The following SI variants were observed in gnomAD, a reference collection of about 807,000 sequenced individuals.
SI encodes sucrase-isomaltase, intestinal.
In SI, 235 loss-of-function variants were observed where a neutral mutation model predicts 253.3. The observed-to-expected ratio is 0.93, with a 90% CI of 0.83 to 1.03. The LOEUF (loss-of-function observed/expected upper bound fraction) is 1.03. Ranked by LOEUF, SI falls within the 50% of genes least tolerant of loss-of-function variation. The pLI is 0.00. For missense variants in SI, 2,442 were observed against 2,211.1 expected, an observed-to-expected ratio of 1.10 and a Z score of -2.09; for synonymous variants, 819 against 712.0, an observed-to-expected ratio of 1.15 and a Z score of -2.39.
chr3:165,081,871 G>C (rs567194812), upstream of SI, among the ~76,000 whole-genome samples: 11 of 151,998 alleles, frequency 7.2e-5, no homozygotes, highest in South Asian at 2.3e-3. Flanking sequence ...GATTTTAGAA[G>C]AAGAAGGAGA....
chr3:165,006,718 A>G, intron 37 of SI, 98 bp downstream of exon 37: 1 of 1,044,204 alleles, frequency 9.6e-7, no homozygotes, highest in Non-Finnish European at 1.5e-6. Flanking sequence ...AAGTAAAGAG[A>G]TACAAGAGAA....
At chr3:164,985,954 C>T (rs1472098508) in intron 45 of SI, among the ~76,000 whole-genome samples, 1 of 151,986 alleles carries the variant, frequency 6.6e-6, no homozygotes, top group African/African-American at 2.4e-5. Context: ...TTAGTATGGT[C>T]TTGAGGAACA....
At chr3:165,059,647 T>G (rs2108249531) in intron 10 of SI, among the ~76,000 whole-genome samples, 1 of 152,106 alleles carries the variant, frequency 6.6e-6, no homozygotes, top group Non-Finnish European at 1.5e-5. Flanking sequence ...AAAAACTAAA[T>G]ATGATTTTGT....
At chr3:164,980,166 T>C (rs6767247) in intron 47 of SI, among the ~76,000 whole-genome samples, 7,329 of 151,852 alleles carry the variant, frequency 0.048, 600 homozygotes, top group African/African-American at 0.17. Flanking sequence ...ACATACCAGG[T>C]CTTTTCATAA....
At chr3:165,015,052 C>T in intron 33 of SI, 71 bp downstream of exon 33, 1 of 1,167,336 alleles carries the variant, frequency 8.6e-7, no homozygotes. Context: ...TTAACTTTTA[C>T]TAATTAAATG....
Position 164,996,736 on chromosome 3 carries a change from A to G in SI, c.4575+2T>C, listed in dbSNP as rs754961413. 3.8e-5 allele frequency: 44 copies of G among 1,152,496 alleles called. No homozygotes were observed. Among genetic ancestry groups the G allele is most frequent in the South Asian group, 5.1e-5 (4 of 78,244 alleles). 71.4% of individuals were successfully genotyped at this position (1,152,496 alleles called of 1,614,324 possible). A position where few individuals can be genotyped will look rare whatever the true frequency, so the allele number is the denominator to read the frequency against. On this transcript the variant is annotated splice_donor_variant, in intron 39 of 47. Transcript: ENST00000264382. LOFTEE classifies it high-confidence loss of function. ...GAAGATAAAAGGAATAAAACTACTT[A>G]CATATGACATTCCAAACAGACTAAA...
chr3:165,051,144 A>G (rs367963487), intron 13 of SI, among the ~76,000 whole-genome samples: 9 of 152,092 alleles, frequency 5.9e-5, no homozygotes, highest in Non-Finnish European at 1.2e-4. Flanking sequence ...TTCCATAAAT[A>G]TTGAGTTCCT....
At chr3:165,012,913 G>C (rs1473244487) in intron 34 of SI, 67 bp downstream of exon 34, 6 of 980,170 alleles carry the variant, frequency 6.1e-6, no homozygotes, top group Admixed American at 1.7e-5. Flanking sequence ...TTTAGTTATT[G>C]ATTAAAATAA....
intron 1 of SI, 21 bp downstream of exon 1, chr3:165,078,412 A>G (rs1405521381): frequency 6.6e-6 from 1 of 152,016 alleles, no homozygotes; most frequent in Non-Finnish European, 1.5e-5. Context: ...ATAACAAAAA[A>G]CATATGAGCC....
At chr3:164,996,701 T>C in intron 39 of SI, 37 bp downstream of exon 39, 1 of 1,266,466 alleles carries the variant, frequency 7.9e-7, no homozygotes, top group Non-Finnish European at 1.1e-6. Flanking sequence ...TATGAATGTT[T>C]ATAATTTATG....
chr3:165,079,371 A>T (rs1233605932), upstream of SI, among the ~76,000 whole-genome samples: 1 of 151,676 alleles, frequency 6.6e-6, no homozygotes, highest in Non-Finnish European at 1.5e-5. Flanking sequence ...TCTGGATACT[A>T]TCTTTTCAAC....
In SI at chr3:165,009,337, C is replaced by A; in HGVS notation, c.4121G>T (p.Trp1374Leu). The change falls in exon 35 of 48, where the codon TGG becomes TTG. Residue 1374 changes from tryptophan to leucine, a missense_variant. By Grantham distance (61) the Trp-to-Leu change is moderately conservative. Transcript: ENST00000264382. ...DFFRTSTAEW[W>L]AREIVDFYNE... is the part of the protein sequence containing the mutation. ...GTAAAAGTCCACAATTTCTCTGGCC[C>A]ACCACTCTGCTGTGGAAGTCCTGAA... The A allele has an allele frequency of 1.2e-6, 2 of 1,613,630 alleles. No individual in the cohort carries two copies. The highest frequency in any genetic ancestry group is 2.2e-5 in the East Asian group (1 of 44,806).
At chr3:165,049,908 T>C (rs758789099) in intron 13 of SI, 33 bp from the exon 14 acceptor site, 12 of 1,286,848 alleles carry the variant, frequency 9.3e-6, no homozygotes, top group African/African-American at 1.5e-5. Flanking sequence ...ACAGCAGATT[T>C]TACATAATTA....
At chr3:164,982,543 T>C in intron 46 of SI, 133 bp from the exon 47 acceptor site, 2 of 693,094 alleles carry the variant, frequency 2.9e-6, no homozygotes, top group Admixed American at 5.1e-5. Flanking sequence ...TGATATAAGG[T>C]ATTTTACATA....
intron 47 of SI, among the ~76,000 whole-genome samples, chr3:164,980,101 G>A (rs367801159): frequency 1.3e-5 from 2 of 151,814 alleles, no homozygotes; most frequent in East Asian, 1.9e-4. Flanking sequence ...CAGAAAGTTT[G>A]GATTCAGTCA....
In SI at chr3:165,055,251, C is replaced by T. The variant is rs1713638915; in HGVS notation, c.1455G>A (p.Trp485Ter). The T allele has an allele frequency of 6.2e-7, 1 of 1,611,778 alleles. No individual in the cohort carries two copies. Among genetic ancestry groups the T allele is most frequent in the South Asian group, 1.1e-5 (1 of 91,048 alleles). Residue 485 changes from tryptophan to a stop codon, truncating the protein, a stop_gained, in exon 13 of 48, where the codon TGG becomes TGA. Coordinates refer to ENST00000264382, the MANE Select transcript of SI (RefSeq NM_001041.4). LOFTEE classifies it high-confidence loss of function. ...PDFTNPNCID[W>*]WANECSIFHQ... is the part of the protein sequence containing the mutation. Reference sequence around the variant, plus strand: ...GGAAAATACTGCATTCATTTGCCCACCAATCAATGCAGTTTGGGTTAGTGA... The same window carrying T: ...GGAAAATACTGCATTCATTTGCCCATCAATCAATGCAGTTTGGGTTAGTGA...
intron 21 of SI, among the ~76,000 whole-genome samples, 186 bp from the exon 22 acceptor site, chr3:165,036,663 C>T (rs1388922828): frequency 1.3e-5 from 2 of 150,562 alleles, no homozygotes; most frequent in South Asian, 2.1e-4. Context: ...ATGTGAATAC[C>T]GAAATAATTT....
In SI at chr3:165,019,658, T is replaced by G; in HGVS notation, c.3367A>C (p.Lys1123Gln). The G allele has an allele frequency of 6.2e-7, 1 of 1,612,646 alleles. No homozygotes were observed. Among genetic ancestry groups the G allele is most frequent in the Non-Finnish European group, 8.5e-7 (1 of 1,179,108 alleles). Residue 1123 changes from lysine (K) to glutamine (Q), a missense_variant, in exon 28 of 48, where the codon AAG becomes CAG. Lys to Gln is a moderately conservative substitution (Grantham distance 53). Coordinates refer to ENST00000264382, the MANE Select transcript of SI (RefSeq NM_001041.4). ...GFGEVEHTAF[K>Q]RDLNWNTWGM... ...CAAGTATTCCAGTTCAGATCTCGCTTAAATGCTGTATGTTCCACTTCCCCA... is the reference window on the plus strand; with the variant it reads ...CAAGTATTCCAGTTCAGATCTCGCTGAAATGCTGTATGTTCCACTTCCCCA...
intron 37 of SI, 117 bp downstream of exon 37, chr3:165,006,699 A>C: frequency 1.2e-6 from 1 of 839,682 alleles, no homozygotes; most frequent in Non-Finnish European, 2.0e-6. Flanking sequence ...GTTACAGAGA[A>C]CAATTGGGAA....
Sources: gnomAD v4.1 joint callset for allele counts (sites outside exome capture counted in the v4.1 genomes callset) on GRCh38, gnomAD v4.1.1 for gene constraint, MANE v1.5 for transcripts, NCBI Gene and HGNC (gene_info 2026-07-23, HGNC 2026-07-21) for gene names.